WSCD2: variants seen among roughly 807,000 people sequenced by gnomAD.
The protein encoded by WSCD2 is WSC domain sialate O sulfotransferase 2, also known as sialate:O-sulfotransferase 2.
A neutral mutation model predicts 55.7 loss-of-function variants in WSCD2; 28 were observed. The observed-to-expected ratio is 0.50, with a 90% CI of 0.37 to 0.69. WSCD2 has a LOEUF of 0.69. WSCD2 is among the 30% of genes least tolerant of loss of function. The pLI is 0.00. For missense variants in WSCD2, 616 were observed against 762.1 expected (o/e 0.81, Z 2.26); for synonymous variants, 301 against 301.9 (o/e 1.00, Z 0.03).
chr12:108,227,343 C>T (rs945467347), intron 6 of WSCD2, among the ~76,000 whole-genome samples, 179 bp downstream of exon 6: 3 of 152,232 alleles, frequency 2.0e-5, no homozygotes, highest in African/African-American at 4.8e-5. Context: ...AGAAGGAATT[C>T]CCAGGGTGGG....
rs1453584199 is a variant in WSCD2, at chr12:108,249,341, A to C, written c.*998A>C. 1.3e-5 allele frequency: 2 copies of C among 152,510 alleles called. No individual in the cohort carries two copies. The highest frequency in any genetic ancestry group is 2.9e-5 in the Non-Finnish European group (2 of 68,040). 9.4% of individuals were successfully genotyped at this position (152,510 alleles called of 1,614,324 possible). A position where few individuals can be genotyped will look rare whatever the true frequency, so the allele number is the denominator to read the frequency against. On this transcript the variant is annotated 3_prime_UTR_variant, in exon 9 of 9. Coordinates refer to ENST00000547525, the MANE Select transcript of WSCD2 (RefSeq NM_014653.4). ...GACCCCCACTACCTTCCCAGACCAT[A>C]TATCTCCCCTTGATCATAGTCCAAC...
Position 108,250,096 on chromosome 12 carries a change from A to G in WSCD2, c.*1753A>G, listed in dbSNP as rs1300999889. Reference sequence around the variant, plus strand: ...TTCCTCAGGTCAACACCATCATTAAATGCGAGTTTTGTTGATGATTCTACC... The same window carrying G: ...TTCCTCAGGTCAACACCATCATTAAGTGCGAGTTTTGTTGATGATTCTACC... On this transcript the variant is annotated 3_prime_UTR_variant, in exon 9 of 9. Transcript: ENST00000547525. The G allele has an allele frequency of 6.6e-6, 1 of 152,138 alleles. No homozygotes were observed. The highest frequency in any genetic ancestry group is 1.5e-5 in the Non-Finnish European group (1 of 68,030). The allele number at this position is 152,138 out of a possible 1,614,324, so 9.4% of individuals were successfully genotyped here.
intron 1 of WSCD2, among the ~76,000 whole-genome samples, chr12:108,160,591 C>T (rs1302294886): frequency 6.6e-6 from 1 of 152,150 alleles, no homozygotes; most frequent in African/African-American, 2.4e-5. Context: ...CTCACTATCA[C>T]AAGAACAGCA....
At chr12:108,246,851 G>A (rs1273837813) in intron 8 of WSCD2, among the ~76,000 whole-genome samples, 2 of 152,104 alleles carry the variant, frequency 1.3e-5, no homozygotes, top group Non-Finnish European at 1.5e-5. Flanking sequence ...GTGCTGTGGG[G>A]GGCTGCAGGG....
chr12:108,248,363 G>A lies in WSCD2; in HGVS notation c.*20G>A, dbSNP rs909525365. 1 of 1,597,726 alleles carries A rather than the reference G, an allele frequency of 6.3e-7. No individual in the cohort carries two copies. The highest frequency in any genetic ancestry group is 8.6e-7 in the Non-Finnish European group (1 of 1,169,300). On this transcript the variant is annotated 3_prime_UTR_variant, in exon 9 of 9. Coordinates refer to ENST00000547525, the MANE Select transcript of WSCD2 (RefSeq NM_014653.4). This position sits in a 1 kb window ranked among gnomAD's most constrained non-coding sequence, Gnocchi z 4.3. ...AGATGATGCGTCCACACAGGGGGAG[G>A]GTAGACTGGGAGTCCTGACCACGCA...
At chr12:108,180,378 T>A (rs1462828738) in intron 1 of WSCD2, among the ~76,000 whole-genome samples, 1 of 152,170 alleles carries the variant, frequency 6.6e-6, no homozygotes, top group African/African-American at 2.4e-5. Flanking sequence ...AGGGAGAAAT[T>A]TTCCTCAGAG....
chr12:108,213,353 T>C (rs1349802752), intron 4 of WSCD2, among the ~76,000 whole-genome samples: 1 of 152,340 alleles, frequency 6.6e-6, no homozygotes, highest in East Asian at 1.9e-4. Flanking sequence ...CTGAATCTCA[T>C]TCTGAGAGGA....
At chr12:108,141,434 G>A (rs1876797255) in intron 1 of WSCD2, among the ~76,000 whole-genome samples, 1 of 152,152 alleles carries the variant, frequency 6.6e-6, no homozygotes, top group South Asian at 2.1e-4. Context: ...TGCCAGTTCT[G>A]GAGGTTTGAA....
chr12:108,210,402 G>T lies in WSCD2; in HGVS notation c.682+97G>T. On this transcript the variant is annotated intron_variant, in intron 4 of 8. Transcript: ENST00000547525. This position sits in a 1 kb window ranked among gnomAD's most constrained non-coding sequence, Gnocchi z 4.3. ...ACATGTCTGCCCTGTACCCTCCATG[G>T]CTCCCCATCACTCCAAGGCCACCAC... 1 of 1,440,870 alleles carries T rather than the reference G, an allele frequency of 6.9e-7. No homozygotes were observed. Among genetic ancestry groups the T allele is most frequent in the Non-Finnish European group, 9.2e-7 (1 of 1,085,234 alleles). The allele number at this position is 1,440,870 out of a possible 1,614,324, so 89.3% of individuals were successfully genotyped here.
chr12:108,145,204 C>T (rs1191022648), intron 1 of WSCD2, among the ~76,000 whole-genome samples: 1 of 152,188 alleles, frequency 6.6e-6, no homozygotes, highest in Non-Finnish European at 1.5e-5. Flanking sequence ...TGCTTTGCCA[C>T]TCAACCCCCA....
intron 2 of WSCD2, among the ~76,000 whole-genome samples, chr12:108,202,330 T>C (rs4964657): frequency 0.14 from 20,586 of 152,212 alleles, 1,713 homozygotes; most frequent in Non-Finnish European, 0.18. Flanking sequence ...ATAACATGCC[T>C]GTGTTTTCCA....
chr12:108,249,071 TC>T lies in WSCD2; in HGVS notation c.*730del. 1 of 309,284 alleles carries T rather than the reference TC, an allele frequency of 3.2e-6. No homozygotes were observed. Among genetic ancestry groups the T allele is most frequent in the Non-Finnish European group, 4.7e-6 (1 of 211,456 alleles). The allele number at this position is 309,284 out of a possible 1,614,324, so 19.2% of individuals were successfully genotyped here. ...CCTGCCCCTTTCTATCCATGCTGTG[TC>T]CAGGAGGTGACCTTGAGATCCTGAT... On this transcript the variant is annotated 3_prime_UTR_variant, in exon 9 of 9. Coordinates refer to ENST00000547525, the MANE Select transcript of WSCD2 (RefSeq NM_014653.4).
rs1404699584 is a variant in WSCD2 at position 108,201,926 on chromosome 12, T to C, written c.383-4363T>C. ...AGATAAATAGCCCAGCTGGGGTGAC[T>C]TTGCCATTTCAGCAGTCTTCAGACC... On this transcript the variant is annotated intron_variant, in intron 2 of 8. Transcript: ENST00000547525. 2.0e-5 allele frequency among the ~76,000 whole-genome samples: 3 copies of C among 152,164 alleles called. No homozygotes were observed. In the East Asian group the frequency reaches 5.8e-4, roughly 29 times the overall value.
chr12:108,167,566 C>T (rs891990628), intron 1 of WSCD2: 6 of 152,198 alleles, frequency 3.9e-5, no homozygotes, highest in Admixed American at 1.3e-4. Context: ...TCAAAATTCG[C>T]AAGGGATTGC....
At chr12:108,169,847 G>A (rs750023226) in intron 1 of WSCD2, among the ~76,000 whole-genome samples, 6 of 152,194 alleles carry the variant, frequency 3.9e-5, no homozygotes, top group African/African-American at 1.2e-4. Flanking sequence ...TTGACTGGCA[G>A]TGACTCTGTA....
intron 1 of WSCD2, among the ~76,000 whole-genome samples, chr12:108,136,613 C>A (rs531265938): frequency 1.3e-5 from 2 of 152,130 alleles, no homozygotes; most frequent in Non-Finnish European, 1.5e-5. Context: ...TTAAGGGACC[C>A]CAGTCTCCAC....
At chr12:108,135,934 T>C (rs1246992206) in intron 1 of WSCD2, among the ~76,000 whole-genome samples, 1 of 152,240 alleles carries the variant, frequency 6.6e-6, no homozygotes, top group East Asian at 1.9e-4. Flanking sequence ...TCACATGGCC[T>C]GCAAAGCCTA....
chr12:108,196,179 AG>A lies in WSCD2; in HGVS notation c.351del (p.Arg118GlyfsTer37). ...DYGGAWSRAL[K>X]GRVVREKEEE... ...GGTGGAGCCTGGAGCCGAGCCCTCA[AG>A]GGGAGGGTTGTCCGGGAGAAGGAGG... is the stretch of plus-strand genomic sequence containing the variant. On this transcript the variant is annotated frameshift_variant, in exon 2 of 9. Transcript: ENST00000547525. LOFTEE classifies it high-confidence loss of function. 6.2e-7 allele frequency: 1 copy of A among 1,613,988 alleles called. No homozygotes were observed. Among genetic ancestry groups the A allele is most frequent in the Non-Finnish European group, 8.5e-7 (1 of 1,179,952 alleles).
intron 1 of WSCD2, among the ~76,000 whole-genome samples, chr12:108,150,646 C>G (rs1877885726): frequency 6.6e-6 from 1 of 152,154 alleles, no homozygotes. Context: ...AGGAGAGAGG[C>G]AGGCAGGACC....
Sources: gnomAD v4.1 joint callset for allele counts (sites outside exome capture counted in the v4.1 genomes callset) on GRCh38, gnomAD v4.1.1 for gene constraint, Gnocchi (gnomAD v3.1) non-coding constraint, MANE v1.5 for transcripts, NCBI Gene and HGNC (gene_info 2026-07-23, HGNC 2026-07-21) for gene names.